NOTCH2NLC: variants seen among roughly 807,000 people sequenced by gnomAD.
NOTCH2NLC encodes the protein notch homolog 2 N-terminal-like protein C.
A neutral mutation model predicts 17.7 loss-of-function variants in NOTCH2NLC; 4 were observed. That is an observed-to-expected ratio of 0.23 (90% CI 0.11 to 0.52). The LOEUF (loss-of-function observed/expected upper bound fraction) is 0.52, where lower values mean the gene tolerates loss of function less well. NOTCH2NLC is among the 20% of genes least tolerant of loss of function. The pLI, the probability that NOTCH2NLC is intolerant of heterozygous loss-of-function variation, is 0.96. For missense variants in NOTCH2NLC, 57 were observed against 207.2 expected (o/e 0.28, Z 4.45); for synonymous variants, 18 against 86.0 (o/e 0.21, Z 4.38).
At chr1:149,409,364 T>C (rs2084286464) in intron 1 of NOTCH2NLC, among the ~76,000 whole-genome samples, 2 of 150,610 alleles carry the variant, frequency 1.3e-5, no homozygotes, top group South Asian at 4.2e-4. Flanking sequence ...GGAGGAGGAA[T>C]AGACCTTGGA....
chr1:149,424,254 A>G, intron 1 of NOTCH2NLC, among the ~76,000 whole-genome samples: 1 of 151,310 alleles, frequency 6.6e-6, no homozygotes, highest in East Asian at 2.0e-4. Flanking sequence ...AGTTACAGTT[A>G]GTGCTAAACA....
At chr1:149,409,839 AGT>A (rs2084289939) in intron 1 of NOTCH2NLC, among the ~76,000 whole-genome samples, 1 of 139,080 alleles carries the variant, frequency 7.2e-6, no homozygotes, top group African/African-American at 2.7e-5. Context: ...AGGAAGGGCC[AGT>A]GTACTGTGGG....
intron 1 of NOTCH2NLC, among the ~76,000 whole-genome samples, chr1:149,420,554 ATGTGTACAGGAATT>A (rs1249269219): frequency 1.3e-5 from 2 of 149,758 alleles, no homozygotes; most frequent in Non-Finnish European, 3.0e-5. Context: ...ATTCTCAGTG[ATGTGTACAGGAATT>A]TGGGTACAGG....
At chr1:149,393,003 G>A (rs2084183834) in intron 1 of NOTCH2NLC, among the ~76,000 whole-genome samples, 1 of 145,368 alleles carries the variant, frequency 6.9e-6, no homozygotes, top group Non-Finnish European at 1.5e-5. Context: ...CCGGGAGGCG[G>A]AGCTTGCAGT....
chr1:149,395,105 A>G (rs2084197791), intron 1 of NOTCH2NLC, among the ~76,000 whole-genome samples: 1 of 150,820 alleles, frequency 6.6e-6, no homozygotes, highest in Admixed American at 6.6e-5. Context: ...TCTCATGTAC[A>G]AATGCGCTTA....
At chr1:149,445,874 T>A (rs1176048144) in intron 2 of NOTCH2NLC, among the ~76,000 whole-genome samples, 1 of 147,024 alleles carries the variant, frequency 6.8e-6, no homozygotes, top group African/African-American at 2.5e-5. Context: ...TGTTGTTGTT[T>A]TTTTTTGAAT....
intron 1 of NOTCH2NLC, among the ~76,000 whole-genome samples, chr1:149,416,731 T>G (rs2084337423): frequency 1.4e-5 from 2 of 142,920 alleles, no homozygotes; most frequent in African/African-American, 5.2e-5. Context: ...CATAGGGTAG[T>G]TTTTTTTTTT....
chr1:149,408,543 A>G (rs2084281939), intron 1 of NOTCH2NLC, among the ~76,000 whole-genome samples: 2 of 150,548 alleles, frequency 1.3e-5, no homozygotes, highest in African/African-American at 4.9e-5. Flanking sequence ...TGGTAGTTTT[A>G]CACATACACC....
intron 2 of NOTCH2NLC, among the ~76,000 whole-genome samples, chr1:149,437,838 A>G (rs2084492105): frequency 2.0e-5 from 3 of 150,208 alleles, no homozygotes; most frequent in Admixed American, 1.3e-4. Context: ...ATCTTTGGCA[A>G]GTTAAAGTCT....
rs1335606528 is a variant in NOTCH2NLC, at chr1:149,424,664, A to G, written c.136-6278A>G. ...AAAGAAGTATGTTAGTCTGTTTTGC[A>G]TTGCTCTAAAGGAATACCTGAGGCT... On this transcript the variant is annotated intron_variant, in intron 1 of 4. Transcript: ENST00000650865. 2.3e-4 allele frequency among the ~76,000 whole-genome samples: 35 copies of G among 150,984 alleles called. 1 individual carries two copies. Among genetic ancestry groups the G allele is most frequent in the Admixed American group, 5.3e-4 (8 of 15,144 alleles).
chr1:149,423,758 G>T (rs1386774074), intron 1 of NOTCH2NLC, among the ~76,000 whole-genome samples: 1 of 147,840 alleles, frequency 6.8e-6, no homozygotes, highest in Non-Finnish European at 1.5e-5. Flanking sequence ...AATACCTTCC[G>T]ATTGAGCAGT....
At chr1:149,410,401 C>G (rs1460185750) in intron 1 of NOTCH2NLC, among the ~76,000 whole-genome samples, 1 of 148,328 alleles carries the variant, frequency 6.7e-6, no homozygotes, top group Non-Finnish European at 1.5e-5. Flanking sequence ...TTGTGTTTGA[C>G]TAGAGTCTGA....
chr1:149,417,333 C>T (rs2084341840), intron 1 of NOTCH2NLC, among the ~76,000 whole-genome samples: 1 of 150,862 alleles, frequency 6.6e-6, no homozygotes, highest in Non-Finnish European at 1.5e-5. Context: ...TGGTCTCGAT[C>T]TCCTGACCTC....
chr1:149,450,501 AC>A (rs2084584978), intron 2 of NOTCH2NLC, among the ~76,000 whole-genome samples: 1 of 125,316 alleles, frequency 8.0e-6, no homozygotes, highest in African/African-American at 3.0e-5. Flanking sequence ...TTTATCCGGC[AC>A]CATGCTACAT....
intron 3 of NOTCH2NLC, among the ~76,000 whole-genome samples, chr1:149,460,576 A>T (rs1482756922): frequency 2.7e-5 from 4 of 149,766 alleles, no homozygotes; most frequent in African/African-American, 7.4e-5. Flanking sequence ...TGACCTCATG[A>T]TCCACCCGCC....
At chr1:149,462,079 T>TAAGTAA (rs2101513439) in intron 3 of NOTCH2NLC, among the ~76,000 whole-genome samples, 1 of 141,878 alleles carries the variant, frequency 7.0e-6, no homozygotes, top group Admixed American at 7.1e-5. Context: ...CATATATACA[T>TAAGTAA]ATGTAACAAA....
At chr1:149,462,610 C>G (rs1352705898) in intron 3 of NOTCH2NLC, among the ~76,000 whole-genome samples, 1 of 144,778 alleles carries the variant, frequency 6.9e-6, no homozygotes, top group Non-Finnish European at 1.5e-5. Context: ...TGGAAAATAT[C>G]GATATATTTT....
At chr1:149,463,858 G>A in intron 4 of NOTCH2NLC, 32 bp downstream of exon 4, 1 of 351,100 alleles carries the variant, frequency 2.8e-6, no homozygotes, top group African/African-American at 8.2e-5. Flanking sequence ...CAGGATTAGG[G>A]GACAAACCCC....
At chr1:149,429,528 G>T (rs1376324384) in intron 1 of NOTCH2NLC, among the ~76,000 whole-genome samples, 2 of 150,594 alleles carry the variant, frequency 1.3e-5, no homozygotes, top group African/African-American at 4.9e-5. Flanking sequence ...GCTAATTTAT[G>T]TAAAGTACTT....
Sources: gnomAD v4.1 joint callset for allele counts (sites outside exome capture counted in the v4.1 genomes callset) on GRCh38, gnomAD v4.1.1 for gene constraint, MANE v1.5 for transcripts, NCBI Gene and HGNC (gene_info 2026-07-23, HGNC 2026-07-21) for gene names.